Variants in DIAPH3 observed in about 807,000 individuals in gnomAD.
The protein encoded by DIAPH3 is diaphanous related formin 3, also known as protein diaphanous homolog 3.
DIAPH3 carries 117 observed loss-of-function variants against 144.3 expected under a neutral mutation model. The ratio of observed to expected loss-of-function variants is 0.81; its 90% CI spans 0.70 to 0.95. The LOEUF (loss-of-function observed/expected upper bound fraction) is 0.95. Among genes scored for constraint, DIAPH3 ranks in the 40% least tolerant of loss-of-function variants. DIAPH3 has a pLI of 0.00. For synonymous variants in DIAPH3, 519 were observed against 488.9 expected (o/e 1.06, Z -0.81); for missense variants, 1,421 against 1,412.7 (o/e 1.01, Z -0.09).
intron 20 of DIAPH3, among the ~76,000 whole-genome samples, chr13:59,911,039 T>C (rs1249411387): frequency 6.6e-6 from 1 of 151,684 alleles, no homozygotes; most frequent in Non-Finnish European, 1.5e-5. Context: ...AGGGAAAAAA[T>C]AAACAATCTT....
At chr13:59,724,027 G>T (rs1027905479) in intron 27 of DIAPH3, among the ~76,000 whole-genome samples, 4 of 151,536 alleles carry the variant, frequency 2.6e-5, no homozygotes, top group African/African-American at 9.7e-5. Flanking sequence ...TGTGATAAAG[G>T]GATAGTTCTC....
chr13:59,843,166 C>G (rs1403690083), intron 22 of DIAPH3, among the ~76,000 whole-genome samples: 1 of 152,144 alleles, frequency 6.6e-6, no homozygotes. Flanking sequence ...AATTCCAAAA[C>G]TTCTAGGAGC....
intron 20 of DIAPH3, among the ~76,000 whole-genome samples, chr13:59,889,139 TAA>T (rs1405098709): frequency 6.6e-6 from 1 of 152,052 alleles, no homozygotes; most frequent in Non-Finnish European, 1.5e-5. Context: ...TCTTAAACCC[TAA>T]GTTTATGTTT....
chr13:60,086,916 T>C (rs2057764344), intron 4 of DIAPH3, among the ~76,000 whole-genome samples: 1 of 152,126 alleles, frequency 6.6e-6, no homozygotes. Context: ...CACCCCTTGG[T>C]ATCCATGGGA....
chr13:59,722,254 T>C (rs342580), intron 27 of DIAPH3, among the ~76,000 whole-genome samples: 112,083 of 152,086 alleles, frequency 0.74, 41,617 homozygotes, highest in East Asian at 0.88. Context: ...GAGAGCCTTA[T>C]GACATGGCCT....
In DIAPH3 at chr13:59,804,420, T is replaced by G. The variant is rs575906959; in HGVS notation, c.3163+6368A>C. On this transcript the variant is annotated intron_variant, in intron 25 of 27. Coordinates refer to ENST00000400324, the MANE Select transcript of DIAPH3 (RefSeq NM_001042517.2). ...TAAAAATATGACCTCGTGAGAAGAC[T>G]TGAGTACTGGCTTCATGGCTTGTTA... Among the ~76,000 whole-genome samples, 42 of 152,318 alleles carry G rather than the reference T, an allele frequency of 2.8e-4. 1 individual carries two copies. The highest frequency in any genetic ancestry group is 9.9e-4 in the African/African-American group (41 of 41,566).
intron 25 of DIAPH3, among the ~76,000 whole-genome samples, chr13:59,807,792 C>T (rs1038986787): frequency 3.7e-4 from 56 of 151,632 alleles, no homozygotes; most frequent in African/African-American, 1.1e-3. Flanking sequence ...CTATGATTAA[C>T]GAAAGATATA....
rs780275700 is a variant in DIAPH3, at chr13:59,879,372, C to T, written c.2464G>A (p.Ala822Thr). The T allele has an allele frequency of 1.2e-6, 2 of 1,613,862 alleles. No individual in the cohort carries two copies. Among genetic ancestry groups the T allele is most frequent in the South Asian group, 2.2e-5 (2 of 91,076 alleles). ...ATCTCTTCGCAGGCAGTACTGACAG[C>T]CATGATGTCAGGTTTGATGTTGTTC... ...QVNNIKPDIM[A>T]VSTACEEIKK... The change falls in exon 21 of 28, where the codon GCT becomes ACT. Residue 822 changes from alanine to threonine, a missense_variant. Transcript: ENST00000400324.
intron 1 of DIAPH3, among the ~76,000 whole-genome samples, chr13:60,161,207 G>A (rs979625235): frequency 6.6e-6 from 1 of 152,112 alleles, no homozygotes; most frequent in Non-Finnish European, 1.5e-5. Flanking sequence ...ATAATGACTG[G>A]GTGACCTGAA....
chr13:59,957,748 A>G (rs1721240151), intron 17 of DIAPH3, among the ~76,000 whole-genome samples: 1 of 152,248 alleles, frequency 6.6e-6, no homozygotes, highest in South Asian at 2.1e-4. Flanking sequence ...AACTTGGGAA[A>G]GTAAAATATT....
chr13:60,094,851 C>G (rs775740817), intron 3 of DIAPH3, among the ~76,000 whole-genome samples: 3 of 152,206 alleles, frequency 2.0e-5, no homozygotes, highest in African/African-American at 4.8e-5. Context: ...CCATTTGACA[C>G]TACGATAAAA....
Position 59,684,255 on chromosome 13 carries a change from C to G in DIAPH3, c.3320-17409G>C, listed in dbSNP as rs184789774. ...TGGAGCTTTCTGCCTGAGCTTTCTGCCACGGAGCAACCTTTATGTTTATCA... is the reference window on the plus strand; with the variant it reads ...TGGAGCTTTCTGCCTGAGCTTTCTGGCACGGAGCAACCTTTATGTTTATCA... On this transcript the variant is annotated intron_variant, in intron 27 of 27. Coordinates refer to ENST00000400324, the MANE Select transcript of DIAPH3 (RefSeq NM_001042517.2). Among the ~76,000 whole-genome samples, 6 of 152,302 alleles carry G rather than the reference C, an allele frequency of 3.9e-5. No homozygotes were observed. In the East Asian group the frequency reaches 1.2e-3, roughly 29 times the overall value.
chr13:59,772,178 T>G (rs777750223), intron 27 of DIAPH3, among the ~76,000 whole-genome samples: 1 of 152,040 alleles, frequency 6.6e-6, no homozygotes, highest in Non-Finnish European at 1.5e-5. Context: ...CTCCAAAATG[T>G]CATCCTATAC....
chr13:59,729,009 A>G (rs1220827756), intron 27 of DIAPH3, among the ~76,000 whole-genome samples: 1 of 151,920 alleles, frequency 6.6e-6, no homozygotes, highest in Non-Finnish European at 1.5e-5. Context: ...ATCTCTGAAT[A>G]ACTTCACTAA....
intron 5 of DIAPH3, among the ~76,000 whole-genome samples, chr13:60,036,332 T>C (rs1159132217): frequency 1.3e-5 from 2 of 152,110 alleles, no homozygotes; most frequent in Non-Finnish European, 2.9e-5. Context: ...TAGAATTGCT[T>C]ACAATGACAG....
chr13:59,774,154 A>G lies in DIAPH3; in HGVS notation c.3319+35T>C, dbSNP rs186208845. On this transcript the variant is annotated intron_variant, in intron 27 of 27. Coordinates refer to ENST00000400324, the MANE Select transcript of DIAPH3 (RefSeq NM_001042517.2). ...CAGATCAATAGGATAAAAGTAGATAAGAAGAATGTGCAATTTATAAATACG... is the reference window on the plus strand; with the variant it reads ...CAGATCAATAGGATAAAAGTAGATAGGAAGAATGTGCAATTTATAAATACG... The G allele has an allele frequency of 4.9e-5, 79 of 1,600,986 alleles. No homozygotes were observed. The African/African-American group carries it at 8.7e-4, about 18-fold the overall frequency.
chr13:59,702,600 T>C (rs979062571), intron 27 of DIAPH3, among the ~76,000 whole-genome samples: 2 of 152,202 alleles, frequency 1.3e-5, no homozygotes, highest in Admixed American at 6.5e-5. Context: ...TTAGGAAGTA[T>C]TTTTATTTTC....
In DIAPH3 at chr13:59,984,379, T is replaced by G. The variant is rs1389793032; in HGVS notation, c.1362-492A>C. ...CTGGTACTGTAAGTTATATATAATA[T>G]CAAATTCATATTTCTTACTCAAAGG... On this transcript the variant is annotated intron_variant, in intron 12 of 27. Transcript: ENST00000400324. Among the ~76,000 whole-genome samples, 4 of 151,748 alleles carry G rather than the reference T, an allele frequency of 2.6e-5. No homozygotes were observed. In the Admixed American group the frequency reaches 2.6e-4, roughly 10 times the overall value.
chr13:59,857,672 C>A (rs1420304841), intron 22 of DIAPH3, among the ~76,000 whole-genome samples: 1 of 152,064 alleles, frequency 6.6e-6, no homozygotes, highest in East Asian at 1.9e-4. Flanking sequence ...TATAAGAATT[C>A]CTGGAAAACG....
Sources: allele counts gnomAD v4.1 joint callset (sites outside exome capture counted in the v4.1 genomes callset), GRCh38; gene constraint gnomAD v4.1.1; transcripts MANE v1.5; gene names NCBI Gene and HGNC (gene_info 2026-07-23, HGNC 2026-07-21).